Variants in SNCAIP observed in about 807,000 individuals in gnomAD.
SNCAIP encodes the protein synphilin-1.
SNCAIP carries 43 observed loss-of-function variants against 86.7 expected under a neutral mutation model. The ratio of observed to expected loss-of-function variants is 0.50; its 90% CI spans 0.39 to 0.64. SNCAIP has a LOEUF of 0.64. SNCAIP is among the 30% of genes least tolerant of loss of function. The pLI, the probability that SNCAIP is intolerant of heterozygous loss-of-function variation, is 0.00. For missense variants in SNCAIP, 981 were observed against 1,103.1 expected (o/e 0.89, Z 1.57); for synonymous variants, 417 against 427.2 (o/e 0.98, Z 0.29).
intron 1 of SNCAIP, among the ~76,000 whole-genome samples, chr5:122,335,858 C>T (rs949327398): frequency 1.3e-5 from 2 of 152,110 alleles, no homozygotes; most frequent in East Asian, 1.9e-4. Context: ...CAGGGCAATT[C>T]GTATAGAAAG....
chr5:122,463,753 T>C lies in SNCAIP; in HGVS notation c.*257T>C, dbSNP rs1217871398. 1.9e-5 allele frequency: 8 copies of C among 425,070 alleles called. No homozygotes were observed. The highest frequency in any genetic ancestry group is 8.1e-5 in the Admixed American group (2 of 24,732). 26.3% of individuals were successfully genotyped at this position (425,070 alleles called of 1,614,324 possible). A position where few individuals can be genotyped will look rare whatever the true frequency, so the allele number is the denominator to read the frequency against. On this transcript the variant is annotated 3_prime_UTR_variant, in exon 11 of 11. Transcript: ENST00000261368. ...AAGATTCATTTTGGGGTGATATCTG[T>C]ATATATAACTTGTTTTTTTAAAAGA...
chr5:122,390,273 T>C (rs186910386), intron 1 of SNCAIP, among the ~76,000 whole-genome samples: 9 of 152,224 alleles, frequency 5.9e-5, no homozygotes, highest in Admixed American at 2.0e-4. Flanking sequence ...TGTCAGGAGA[T>C]CTATATTTCT....
intron 3 of SNCAIP, among the ~76,000 whole-genome samples, chr5:122,420,535 T>C (rs2152920723): frequency 6.6e-6 from 1 of 152,108 alleles, no homozygotes; most frequent in East Asian, 1.9e-4. Flanking sequence ...TATTACTAAA[T>C]ATACTCAGTA....
At chr5:122,368,557 A>C (rs1324276483) in intron 1 of SNCAIP, among the ~76,000 whole-genome samples, 1 of 152,232 alleles carries the variant, frequency 6.6e-6, no homozygotes, top group Admixed American at 6.5e-5. Context: ...CAAGCGACTC[A>C]GCCTTAGTGA....
chr5:122,461,304 G>C (rs1223627737), intron 10 of SNCAIP, among the ~76,000 whole-genome samples: 1 of 152,112 alleles, frequency 6.6e-6, no homozygotes, highest in Non-Finnish European at 1.5e-5. Context: ...GCTTTGCCAT[G>C]ATGTGGGTCT....
At position 122,431,620 on chromosome 5, in the gene SNCAIP, G is replaced by C. The variant is rs373068487; in HGVS notation, c.1183-349G>C. ...GGATAATGGAAATGTTCTTTGTCTT[G>C]AGTGAAGTTATAGTTACAGGAGTAT... On this transcript the variant is annotated intron_variant, in intron 5 of 10. Transcript: ENST00000261368. Among the ~76,000 whole-genome samples, 33 of 152,228 alleles carry C rather than the reference G, an allele frequency of 2.2e-4. No homozygotes were observed. The East Asian group carries it at 6.0e-3, about 28-fold the overall frequency.
At chr5:122,327,756 G>C (rs1220887324) in intron 1 of SNCAIP, among the ~76,000 whole-genome samples, 1 of 152,142 alleles carries the variant, frequency 6.6e-6, no homozygotes, top group African/African-American at 2.4e-5. Flanking sequence ...TGTGAAAACG[G>C]ACTTATATAG....
intron 1 of SNCAIP, among the ~76,000 whole-genome samples, chr5:122,355,860 C>A (rs1480227188): frequency 6.6e-6 from 1 of 152,182 alleles, no homozygotes; most frequent in African/African-American, 2.4e-5. Flanking sequence ...AACACACCAA[C>A]AGACATGTCA....
chr5:122,428,317 T>G (rs1190018038), intron 5 of SNCAIP, among the ~76,000 whole-genome samples: 2 of 152,176 alleles, frequency 1.3e-5, no homozygotes, highest in Non-Finnish European at 1.5e-5. Context: ...GCTAGAATTT[T>G]TTGTTTGTTT....
At chr5:122,376,406 T>C (rs1475945926) in intron 1 of SNCAIP, among the ~76,000 whole-genome samples, 3 of 152,188 alleles carry the variant, frequency 2.0e-5, no homozygotes, top group South Asian at 2.1e-4. Flanking sequence ...TTGGATAGTT[T>C]CTTGTACATA....
intron 1 of SNCAIP, among the ~76,000 whole-genome samples, chr5:122,354,663 T>A (rs779866948): frequency 7.2e-5 from 11 of 152,172 alleles, no homozygotes; most frequent in Non-Finnish European, 1.5e-4. Context: ...GTGACTCGGG[T>A]TATATGATAT....
intron 1 of SNCAIP, among the ~76,000 whole-genome samples, chr5:122,334,182 G>A (rs961038168): frequency 1.2e-4 from 18 of 152,028 alleles, no homozygotes; most frequent in African/African-American, 3.6e-4. Context: ...TACCAGGTGC[G>A]GGCACTGTTC....
chr5:122,349,868 C>T (rs1432660065), intron 1 of SNCAIP, among the ~76,000 whole-genome samples: 1 of 152,162 alleles, frequency 6.6e-6, no homozygotes, highest in East Asian at 1.9e-4. Flanking sequence ...GCAGAGACTA[C>T]TTATCTCTAT....
intron 6 of SNCAIP, among the ~76,000 whole-genome samples, chr5:122,439,214 G>A (rs907711336): frequency 3.9e-5 from 6 of 152,196 alleles, no homozygotes; most frequent in African/African-American, 1.4e-4. Context: ...AGAGGACTAA[G>A]CATAGCAGCA....
At chr5:122,352,121 C>G (rs1362683043) in intron 1 of SNCAIP, among the ~76,000 whole-genome samples, 1 of 152,116 alleles carries the variant, frequency 6.6e-6, no homozygotes, top group Non-Finnish European at 1.5e-5. Context: ...AGTTACTTAT[C>G]TTTTTGTTTC....
intron 2 of SNCAIP, among the ~76,000 whole-genome samples, chr5:122,400,354 C>A (rs540133416): frequency 6.6e-6 from 1 of 152,304 alleles, no homozygotes; most frequent in African/African-American, 2.4e-5. Context: ...GAGGAAGGTC[C>A]CACTTACTAC....
In SNCAIP at chr5:122,451,306, A is replaced by G; in HGVS notation, c.2459A>G (p.Glu820Gly). Reference sequence around the variant, plus strand: ...TTAAAACTGAGAGTTACCTTTGAGGAGCCTGTGGTGCAGATGGAGCAGCCT... The same window carrying G: ...TTAAAACTGAGAGTTACCTTTGAGGGGCCTGTGGTGCAGATGGAGCAGCCT... ...QNLKLRVTFE[E>G]PVVQMEQPSL... The change falls in exon 10 of 11, where the codon GAG (glutamate) becomes GGG (glycine). Residue 820 changes from glutamate (E) to glycine (G), a missense_variant. Coordinates refer to ENST00000261368, the MANE Select transcript of SNCAIP (RefSeq NM_005460.4). The G allele has an allele frequency of 6.2e-7, 1 of 1,614,200 alleles. No individual in the cohort carries two copies. The highest frequency in any genetic ancestry group is 8.5e-7 in the Non-Finnish European group (1 of 1,180,040).
intron 1 of SNCAIP, among the ~76,000 whole-genome samples, chr5:122,379,159 T>G (rs1390233426): frequency 4.5e-5 from 3 of 66,514 alleles, no homozygotes; most frequent in Middle Eastern, 8.8e-3. Flanking sequence ...TATTGATTCT[T>G]CCTACCCATG....
intron 1 of SNCAIP, among the ~76,000 whole-genome samples, chr5:122,340,253 A>C (rs1397590586): frequency 2.0e-5 from 3 of 152,012 alleles, no homozygotes; most frequent in African/African-American, 4.8e-5. Context: ...CTTCTTTTAC[A>C]TGTGATGGAT....
Sources: allele counts gnomAD v4.1 joint callset (sites outside exome capture counted in the v4.1 genomes callset), GRCh38; gene constraint gnomAD v4.1.1; transcripts MANE v1.5; gene names NCBI Gene and HGNC (gene_info 2026-07-23, HGNC 2026-07-21).